Variants in LSAMP observed in about 807,000 individuals in gnomAD.
LSAMP encodes limbic system associated membrane protein, also known as limbic system-associated membrane protein.
A neutral mutation model predicts 38.6 loss-of-function variants in LSAMP; 7 were observed. The observed-to-expected ratio is 0.18, with a 90% CI of 0.10 to 0.34. The LOEUF is 0.34. Ranked by LOEUF, LSAMP falls within the 10% of genes least tolerant of loss-of-function variation. The pLI is 1.00. For missense variants in LSAMP, 313 were observed against 420.0 expected, an observed-to-expected ratio of 0.75 and a Z score of 2.23; for synonymous variants, 154 against 166.8, an observed-to-expected ratio of 0.92 and a Z score of 0.59.
intron 2 of LSAMP, among the ~76,000 whole-genome samples, chr3:116,062,636 T>C (rs1290147685): frequency 2.6e-5 from 4 of 152,230 alleles, no homozygotes; most frequent in Admixed American, 6.5e-5. Flanking sequence ...GTGCCAGTTA[T>C]GTAACAGTCT....
intron 1 of LSAMP, among the ~76,000 whole-genome samples, chr3:116,322,805 G>A (rs190258353): frequency 1.3e-5 from 2 of 151,022 alleles, no homozygotes; most frequent in African/African-American, 2.4e-5. Context: ...CTTTTCTTCC[G>A]CCATCTTTTC....
intron 1 of LSAMP, among the ~76,000 whole-genome samples, chr3:116,132,055 T>C (rs1309068851): frequency 6.6e-6 from 1 of 152,074 alleles, no homozygotes; most frequent in Non-Finnish European, 1.5e-5. Context: ...CTCGAACTCC[T>C]GAACTCAAGT....
intron 1 of LSAMP, among the ~76,000 whole-genome samples, chr3:116,092,217 G>A (rs1486245129): frequency 2.0e-5 from 3 of 151,970 alleles, no homozygotes; most frequent in East Asian, 1.9e-4. Flanking sequence ...CAGTAAAGAT[G>A]GATAACTATT....
intron 1 of LSAMP, among the ~76,000 whole-genome samples, chr3:116,242,042 A>T (rs564553118): frequency 1.3e-5 from 2 of 152,190 alleles, no homozygotes; most frequent in Non-Finnish European, 2.9e-5. Context: ...GTGGAATTTC[A>T]TTCCTCTCTC....
chr3:116,152,225 T>C (rs1259482014), intron 1 of LSAMP, among the ~76,000 whole-genome samples: 2 of 152,104 alleles, frequency 1.3e-5, no homozygotes, highest in Admixed American at 1.3e-4. Context: ...CACTCTACTA[T>C]TAATAGACAG....
chr3:116,191,741 G>A (rs10804521), intron 1 of LSAMP, among the ~76,000 whole-genome samples: 33,502 of 151,658 alleles, frequency 0.22, 3,821 homozygotes, highest in African/African-American at 0.27. Context: ...ATTAGCCAAT[G>A]ACTTATTTCA....
intron 1 of LSAMP, among the ~76,000 whole-genome samples, chr3:116,341,723 T>C (rs2047997936): frequency 6.6e-6 from 1 of 151,916 alleles, no homozygotes; most frequent in Admixed American, 6.6e-5. Context: ...CAATGATCCA[T>C]TATGTTGGGG....
chr3:115,967,770 C>G (rs940816369), intron 3 of LSAMP, among the ~76,000 whole-genome samples: 15 of 151,696 alleles, frequency 9.9e-5, no homozygotes, highest in Admixed American at 3.3e-4. Flanking sequence ...TTTTTAAAAC[C>G]ATTAGATCTC....
At chr3:116,203,135 T>C (rs545437846) in intron 1 of LSAMP, among the ~76,000 whole-genome samples, 1 of 152,316 alleles carries the variant, frequency 6.6e-6, no homozygotes, top group South Asian at 2.1e-4. Context: ...TTTCATGTCT[T>C]GCTGCACTGG....
intron 6 of LSAMP, among the ~76,000 whole-genome samples, chr3:115,811,361 C>T (rs1039295000): frequency 4.6e-5 from 7 of 152,184 alleles, no homozygotes; most frequent in African/African-American, 1.7e-4. Flanking sequence ...CTTATCATCT[C>T]TGCTTTGCTT....
chr3:116,397,776 T>C (rs1392575065), intron 1 of LSAMP, among the ~76,000 whole-genome samples: 1 of 152,114 alleles, frequency 6.6e-6, no homozygotes, highest in African/African-American at 2.4e-5. Flanking sequence ...AGAAAGCACA[T>C]TTTTCTTGTA....
rs78123755 is a variant in LSAMP at position 116,033,098 on chromosome 3, T to C, written c.389-13458A>G. On this transcript the variant is annotated intron_variant, in intron 2 of 6. Transcript: ENST00000490035. Reference sequence around the variant, plus strand: ...ATTTTTCTAAATAATGGTGATAATATTCATATGTGCAACTTGAAAAGCTTG... The same window carrying C: ...ATTTTTCTAAATAATGGTGATAATACTCATATGTGCAACTTGAAAAGCTTG... Among the ~76,000 whole-genome samples, 260 of 152,320 alleles carry C rather than the reference T, an allele frequency of 1.7e-3. 6 individuals carry two copies. In the East Asian group the frequency reaches 0.042, roughly 25 times the overall value.
At chr3:116,413,546 G>A (rs2049007723) in intron 1 of LSAMP, among the ~76,000 whole-genome samples, 1 of 151,876 alleles carries the variant, frequency 6.6e-6, no homozygotes, top group Non-Finnish European at 1.5e-5. Flanking sequence ...ACTGTTCATA[G>A]CCTAGATACT....
chr3:116,310,132 C>A (rs945545052), intron 1 of LSAMP, among the ~76,000 whole-genome samples: 5 of 152,140 alleles, frequency 3.3e-5, no homozygotes, highest in Admixed American at 2.0e-4. Context: ...TTTATTTTAA[C>A]CCTTCTGATA....
chr3:116,337,098 C>G (rs1255931642), intron 1 of LSAMP, among the ~76,000 whole-genome samples: 1 of 151,780 alleles, frequency 6.6e-6, no homozygotes, highest in Non-Finnish European at 1.5e-5. Flanking sequence ...TCAGATTGAA[C>G]TTATGAGGTA....
At chr3:116,210,704 T>TC (rs1373566197) in intron 1 of LSAMP, among the ~76,000 whole-genome samples, 1 of 152,148 alleles carries the variant, frequency 6.6e-6, no homozygotes, top group Non-Finnish European at 1.5e-5. Context: ...ATTAGTTGTG[T>TC]CCCTTTAGTG....
At chr3:116,221,459 G>GAAGT (rs1052802462) in intron 1 of LSAMP, among the ~76,000 whole-genome samples, 1 of 152,120 alleles carries the variant, frequency 6.6e-6, no homozygotes, top group African/African-American at 2.4e-5. Flanking sequence ...ACTAGCTAGG[G>GAAGT]AAGTCATTCA....
chr3:116,269,722 G>A (rs2046944125), intron 1 of LSAMP, among the ~76,000 whole-genome samples: 2 of 152,096 alleles, frequency 1.3e-5, no homozygotes, highest in Non-Finnish European at 2.9e-5. Context: ...GGACTGTCCT[G>A]AGCAAATGGG....
rs74612578 is a variant in LSAMP at position 116,176,885 on chromosome 3, G to A, written c.156-90329C>T. 2.3e-3 allele frequency among the ~76,000 whole-genome samples: 357 copies of A among 152,132 alleles called. 1 individual carries two copies. The highest frequency in any genetic ancestry group is 3.7e-3 in the Non-Finnish European group (249 of 67,988). On this transcript the variant is annotated intron_variant, in intron 1 of 6. Coordinates refer to ENST00000490035, the MANE Select transcript of LSAMP (RefSeq NM_002338.5). ...TTAAAAAGCTTCCAATAATCGAAGCGTTCTTTAAGGTTAGTATTAGGTTTC... is the reference window on the plus strand; with the variant it reads ...TTAAAAAGCTTCCAATAATCGAAGCATTCTTTAAGGTTAGTATTAGGTTTC...
Sources: gnomAD v4.1 joint callset for allele counts (sites outside exome capture counted in the v4.1 genomes callset) on GRCh38, gnomAD v4.1.1 for gene constraint, MANE v1.5 for transcripts, NCBI Gene and HGNC (gene_info 2026-07-23, HGNC 2026-07-21) for gene names.